BEND6: variants seen among roughly 807,000 people sequenced by gnomAD.
BEND6 encodes the protein BEN domain containing 6.
Under a neutral mutation model 31.8 loss-of-function variants are expected in BEND6, and 24 were observed. The ratio of observed to expected loss-of-function variants is 0.75; its 90% CI spans 0.55 to 1.06. The LOEUF is 1.06. Ranked by LOEUF, BEND6 falls within the 50% of genes least tolerant of loss-of-function variation. The pLI is 0.00. For synonymous variants in BEND6, 109 were observed against 114.6 expected (o/e 0.95, Z 0.31); for missense variants, 294 against 327.4 (o/e 0.90, Z 0.79).
intron 3 of BEND6, among the ~76,000 whole-genome samples, chr6:57,000,589 A>AC (rs201405588): frequency 2.7e-5 from 4 of 148,068 alleles, no homozygotes; most frequent in Admixed American, 1.3e-4. Flanking sequence ...AAACAAACAA[A>AC]AAAAAAAAAC....
At position 57,015,289 on chromosome 6, in the gene BEND6, A is replaced by AG. The variant is rs1417961485; in HGVS notation, c.455_456insG (p.Asn152LysfsTer3). On this transcript the variant is annotated frameshift_variant, in exon 4 of 7. Transcript: ENST00000370746. LOFTEE classifies it high-confidence loss of function. Reference sequence around the variant, plus strand: ...TTTGCCTCAACATGCAGTAATTCTAATTCTAACTCCAGTTCACCAGTTTCC... The same window carrying AG: ...TTTGCCTCAACATGCAGTAATTCTAAGTTCTAACTCCAGTTCACCAGTTTCC... The AG allele has an allele frequency of 1.2e-6, 2 of 1,614,064 alleles. No individual in the cohort carries two copies. The highest frequency in any genetic ancestry group is 2.2e-5 in the South Asian group (2 of 91,084).
chr6:56,985,258 T>C (rs1374745356), intron 2 of BEND6, among the ~76,000 whole-genome samples: 1 of 152,216 alleles, frequency 6.6e-6, no homozygotes, highest in Non-Finnish European at 1.5e-5. Context: ...AATTTTGGAC[T>C]AGTTATGATA....
chr6:56,984,068 A>T (rs1456394374), intron 2 of BEND6, among the ~76,000 whole-genome samples: 1 of 152,190 alleles, frequency 6.6e-6, no homozygotes, highest in East Asian at 1.9e-4. Flanking sequence ...AAAAAAATTT[A>T]AAATTAATCG....
At chr6:57,011,642 C>T (rs1181912423) in intron 3 of BEND6, among the ~76,000 whole-genome samples, 2 of 135,806 alleles carry the variant, frequency 1.5e-5, no homozygotes, top group South Asian at 2.4e-4. Flanking sequence ...TGTTTGAGCC[C>T]GGGAAGTCAA....
intron 3 of BEND6, among the ~76,000 whole-genome samples, chr6:56,999,166 T>C (rs915849267): frequency 6.6e-6 from 1 of 152,050 alleles, no homozygotes; most frequent in Admixed American, 6.5e-5. Flanking sequence ...CTCCACTCCA[T>C]GCCCAGGCAG....
chr6:57,003,091 A>T (rs756890192), intron 3 of BEND6, among the ~76,000 whole-genome samples: 6 of 152,212 alleles, frequency 3.9e-5, no homozygotes, highest in Non-Finnish European at 8.8e-5. Context: ...ACACATACAA[A>T]CTAGAAAATC....
chr6:56,990,126 T>C (rs1826436547), intron 2 of BEND6, among the ~76,000 whole-genome samples: 1 of 152,090 alleles, frequency 6.6e-6, no homozygotes, highest in South Asian at 2.1e-4. Context: ...TTTTTCCAAA[T>C]GGTTAACCAG....
chr6:57,014,855 T>C (rs1437034487), intron 3 of BEND6, among the ~76,000 whole-genome samples: 1 of 152,220 alleles, frequency 6.6e-6, no homozygotes. Context: ...GAATCAACTT[T>C]TAAAACATTC....
rs900429448 is a variant in BEND6 at position 57,004,522 on chromosome 6, C to T, written c.299-10611C>T. ...TGCCGCTCCAGCTCCGTGTAGCCAC[C>T]GCCACCGCCATGACTACCACATGCC... On this transcript the variant is annotated intron_variant, in intron 3 of 6. Transcript: ENST00000370746. 6.8e-5 allele frequency: 50 copies of T among 730,156 alleles called. 1 individual carries two copies. Among genetic ancestry groups the T allele is most frequent in the South Asian group, 5.0e-4 (36 of 71,878 alleles). 45.2% of individuals were successfully genotyped at this position (730,156 alleles called of 1,614,324 possible). A position where few individuals can be genotyped will look rare whatever the true frequency, so the allele number is the denominator to read the frequency against.
chr6:56,958,904 T>A (rs998180066), intron 1 of BEND6, among the ~76,000 whole-genome samples: 24 of 151,704 alleles, frequency 1.6e-4, no homozygotes, highest in African/African-American at 5.8e-4. Context: ...CATTAATGAG[T>A]TGAGGGGGGA....
chr6:56,990,201 C>T (rs1409250772), intron 2 of BEND6, among the ~76,000 whole-genome samples: 1 of 150,044 alleles, frequency 6.7e-6, no homozygotes, highest in Non-Finnish European at 1.5e-5. Context: ...CCTTCTCTAC[C>T]ATGTCAAAGT....
intron 1 of BEND6, among the ~76,000 whole-genome samples, chr6:56,973,792 C>A (rs1825776555): frequency 6.6e-6 from 1 of 152,134 alleles, no homozygotes; most frequent in Non-Finnish European, 1.5e-5. Flanking sequence ...TCTCATTCTG[C>A]CACCCAGGCT....
chr6:57,014,363 C>G (rs1827456145), intron 3 of BEND6: 1 of 585,496 alleles, frequency 1.7e-6, no homozygotes, highest in African/African-American at 2.0e-5. Flanking sequence ...AGTTTTTTCA[C>G]CTCTCCAGCA....
At chr6:56,966,464 A>G (rs572549221) in intron 1 of BEND6, among the ~76,000 whole-genome samples, 2 of 152,350 alleles carry the variant, frequency 1.3e-5, no homozygotes, top group South Asian at 4.1e-4. Flanking sequence ...TAACACAATA[A>G]TAGCCAAGAA....
At chr6:56,960,973 T>G (rs1376362159) in intron 1 of BEND6, among the ~76,000 whole-genome samples, 1 of 151,846 alleles carries the variant, frequency 6.6e-6, no homozygotes, top group Non-Finnish European at 1.5e-5. Flanking sequence ...AAGCCTGTTC[T>G]TGCCAGTCCT....
chr6:56,969,501 G>A (rs1436503958), intron 1 of BEND6, among the ~76,000 whole-genome samples: 2 of 152,142 alleles, frequency 1.3e-5, no homozygotes, highest in Non-Finnish European at 2.9e-5. Flanking sequence ...TCTGACCTGA[G>A]TACTATAAGG....
chr6:56,992,174 A>G (rs1208579577), intron 2 of BEND6, among the ~76,000 whole-genome samples: 1 of 152,198 alleles, frequency 6.6e-6, no homozygotes, highest in Non-Finnish European at 1.5e-5. Flanking sequence ...CTGTTTCTCA[A>G]GAGGCATATG....
intron 3 of BEND6, among the ~76,000 whole-genome samples, chr6:57,002,158 CT>C (rs1826969040): frequency 6.6e-6 from 1 of 152,142 alleles, no homozygotes; most frequent in Non-Finnish European, 1.5e-5. Context: ...AATAAGAAGA[CT>C]TAACTATCCT....
At chr6:56,983,925 G>A (rs1055489858) in intron 2 of BEND6, among the ~76,000 whole-genome samples, 9 of 152,078 alleles carry the variant, frequency 5.9e-5, no homozygotes, top group African/African-American at 2.2e-4. Context: ...GTCCTTTTAA[G>A]AAACTTTGTG....
Sources: allele counts gnomAD v4.1 joint callset (sites outside exome capture counted in the v4.1 genomes callset), GRCh38; gene constraint gnomAD v4.1.1; transcripts MANE v1.5; gene names NCBI Gene and HGNC (gene_info 2026-07-23, HGNC 2026-07-21).